The following OSBPL6 variants were observed in gnomAD, a reference collection of about 807,000 sequenced individuals.
OSBPL6 encodes the protein oxysterol-binding protein-related protein 6.
A neutral mutation model predicts 125.8 loss-of-function variants in OSBPL6; 49 were observed. The ratio of observed to expected loss-of-function variants is 0.39; its 90% CI spans 0.31 to 0.49. The LOEUF (loss-of-function observed/expected upper bound fraction) is 0.49. Among genes scored for constraint, OSBPL6 ranks in the 20% least tolerant of loss-of-function variants. The pLI is 0.88. For synonymous variants in OSBPL6, 394 were observed against 391.8 expected, an observed-to-expected ratio of 1.01 and a Z score of -0.07; for missense variants, 986 against 1,135.4, an observed-to-expected ratio of 0.87 and a Z score of 1.89.
Position 178,392,421 on chromosome 2 carries a change from CAACA to C in OSBPL6, c.2460_2463del (p.Asn821MetfsTer17). The C allele has an allele frequency of 6.2e-7, 1 of 1,613,900 alleles. No homozygotes were observed. The highest frequency in any genetic ancestry group is 8.5e-7 in the Non-Finnish European group (1 of 1,179,892). ...ATTGGCCTCTTTCCAGGTTCCATGCCAACAAACTATGAGCTGTACTATGGCTTCA... is the reference window on the plus strand; with the variant it reads ...ATTGGCCTCTTTCCAGGTTCCATGCCAACTATGAGCTGTACTATGGCTTCA... On this transcript the variant is annotated frameshift_variant, in exon 23 of 25. Coordinates refer to ENST00000190611, the MANE Select transcript of OSBPL6 (RefSeq NM_032523.4). LOFTEE classifies it high-confidence loss of function.
chr2:178,288,536 T>C (rs1030687929), intron 2 of OSBPL6, among the ~76,000 whole-genome samples: 1 of 151,974 alleles, frequency 6.6e-6, no homozygotes, highest in Non-Finnish European at 1.5e-5. Flanking sequence ...CTTGAATACA[T>C]ATCCAGTAAA....
rs1684562308 is a variant in OSBPL6 at position 178,284,934 on chromosome 2, C to G, written c.-343C>G. 2 of 397,918 alleles carry G rather than the reference C, an allele frequency of 5.0e-6. No homozygotes were observed. The highest frequency in any genetic ancestry group is 8.9e-6 in the Non-Finnish European group (2 of 225,788). 24.6% of individuals were successfully genotyped at this position (397,918 alleles called of 1,614,324 possible). On this transcript the variant is annotated 5_prime_UTR_variant, in exon 2 of 25. Transcript: ENST00000190611. Reference sequence around the variant, plus strand: ...GTAATCTCTCTTTTTCAGGTTCTGCCACTTGCTGGGAAAACAGCAACAGAA... The same window carrying G: ...GTAATCTCTCTTTTTCAGGTTCTGCGACTTGCTGGGAAAACAGCAACAGAA...
chr2:178,296,223 C>T (rs1238616856), intron 2 of OSBPL6, among the ~76,000 whole-genome samples: 1 of 152,156 alleles, frequency 6.6e-6, no homozygotes, highest in Non-Finnish European at 1.5e-5. Context: ...CAGGAAGTTC[C>T]CAAGTGACAC....
At chr2:178,256,042 T>C (rs1378682883) in intron 1 of OSBPL6, among the ~76,000 whole-genome samples, 1 of 152,212 alleles carries the variant, frequency 6.6e-6, no homozygotes, top group Non-Finnish European at 1.5e-5. Flanking sequence ...TCAGCTCCTC[T>C]TGGGTATCTC....
chr2:178,235,811 A>C (rs959272330), intron 1 of OSBPL6, among the ~76,000 whole-genome samples: 1 of 152,080 alleles, frequency 6.6e-6, no homozygotes, highest in Admixed American at 6.5e-5. Flanking sequence ...CTCTTTTTAA[A>C]ATTTTCAAGT....
chr2:178,234,901 G>C (rs975166256), intron 1 of OSBPL6, among the ~76,000 whole-genome samples: 1 of 152,150 alleles, frequency 6.6e-6, no homozygotes, highest in African/African-American at 2.4e-5. Flanking sequence ...GGGAACCACT[G>C]TTTCAGAGAG....
rs778066744 is a variant in OSBPL6 at position 178,392,416 on chromosome 2, C to T, written c.2451C>T (p.Ser817=). ...PSAKCIWRPG[S]MPTNYELYYG... ...GGTTCATTGGCCTCTTTCCAGGTTC[C>T]ATGCCAACAAACTATGAGCTGTACT... Residue 817 remains serine (S), a synonymous_variant, in exon 23 of 25, where the codon TCC becomes TCT. Transcript: ENST00000190611. 4 of 1,613,960 alleles carry T rather than the reference C, an allele frequency of 2.5e-6. No individual in the cohort carries two copies. Among genetic ancestry groups the T allele is most frequent in the East Asian group, 4.5e-5 (2 of 44,882 alleles).
intron 5 of OSBPL6, among the ~76,000 whole-genome samples, chr2:178,328,588 A>G (rs1688909867): frequency 6.6e-6 from 1 of 152,168 alleles, no homozygotes; most frequent in South Asian, 2.1e-4. Context: ...CGCAGGTTCA[A>G]GCGATTCTTC....
chr2:178,330,190 T>G (rs1423674934), intron 5 of OSBPL6, among the ~76,000 whole-genome samples: 2 of 151,636 alleles, frequency 1.3e-5, no homozygotes, highest in Non-Finnish European at 2.9e-5. Flanking sequence ...AGGTGATCTC[T>G]GCTGAAATTC....
At chr2:178,368,297 G>A (rs1055863272) in intron 13 of OSBPL6, among the ~76,000 whole-genome samples, 1 of 152,180 alleles carries the variant, frequency 6.6e-6, no homozygotes, top group African/African-American at 2.4e-5. Context: ...GAAAGGGGCT[G>A]TTGCATGCTC....
chr2:178,365,479 A>G, intron 13 of OSBPL6, among the ~76,000 whole-genome samples: 1 of 152,128 alleles, frequency 6.6e-6, no homozygotes, highest in East Asian at 1.9e-4. Flanking sequence ...TACTTCAACC[A>G]GCCTGGTCAA....
chr2:178,332,173 T>C (rs1689253480), intron 6 of OSBPL6, among the ~76,000 whole-genome samples: 1 of 152,180 alleles, frequency 6.6e-6, no homozygotes, highest in Admixed American at 6.5e-5. Flanking sequence ...GAATCAGCCA[T>C]GTCCTTGATC....
intron 1 of OSBPL6, among the ~76,000 whole-genome samples, chr2:178,213,077 G>A (rs138078722): frequency 1.3e-5 from 2 of 152,128 alleles, no homozygotes; most frequent in Non-Finnish European, 2.9e-5. Context: ...AAAGTGCTGG[G>A]ATTACTGGCG....
At chr2:178,308,036 A>T (rs1327858696) in intron 3 of OSBPL6, among the ~76,000 whole-genome samples, 1 of 152,214 alleles carries the variant, frequency 6.6e-6, no homozygotes, top group African/African-American at 2.4e-5. Context: ...CTGTACATGG[A>T]TAATGAGTTC....
chr2:178,196,665 C>A (rs796332765), intron 1 of OSBPL6, among the ~76,000 whole-genome samples: 6 of 152,076 alleles, frequency 3.9e-5, no homozygotes, highest in African/African-American at 1.4e-4. Flanking sequence ...ACCACAGATA[C>A]CGGATTAGGT....
At chr2:178,367,359 T>C (rs1692933508) in intron 13 of OSBPL6, among the ~76,000 whole-genome samples, 1 of 152,234 alleles carries the variant, frequency 6.6e-6, no homozygotes, top group Non-Finnish European at 1.5e-5. Flanking sequence ...TTGACAGCTC[T>C]AGCTTTGACA....
chr2:178,379,355 GGGAA>G (rs1255250952), intron 15 of OSBPL6, among the ~76,000 whole-genome samples: 34 of 129,808 alleles, frequency 2.6e-4, no homozygotes, highest in South Asian at 5.2e-4. Flanking sequence ...AGGGAGGGAG[GGGAA>G]GGAAGGAAAG....
chr2:178,388,026 T>C (rs919042653), intron 20 of OSBPL6, among the ~76,000 whole-genome samples: 2 of 151,870 alleles, frequency 1.3e-5, no homozygotes, highest in African/African-American at 4.8e-5. Flanking sequence ...AAAAAATGTA[T>C]AAGGAAGAGA....
chr2:178,275,647 G>C (rs1376291866), intron 1 of OSBPL6, among the ~76,000 whole-genome samples: 2 of 151,994 alleles, frequency 1.3e-5, no homozygotes, highest in Non-Finnish European at 2.9e-5. Flanking sequence ...TTGAGGAGAC[G>C]GATTGAGTAG....
Sources: allele counts gnomAD v4.1 joint callset (sites outside exome capture counted in the v4.1 genomes callset), GRCh38; gene constraint gnomAD v4.1.1; transcripts MANE v1.5; gene names NCBI Gene and HGNC (gene_info 2026-07-23, HGNC 2026-07-21).